DHRSX: variants seen among roughly 807,000 people sequenced by gnomAD.
DHRSX encodes the protein dehydrogenase/reductase X-linked.
Under a neutral mutation model 34.0 loss-of-function variants are expected in DHRSX, and 31 were observed. That is an observed-to-expected ratio of 0.91 (90% confidence interval 0.69 to 1.23). The LOEUF (loss-of-function observed/expected upper bound fraction) is 1.23, where lower values mean the gene tolerates loss of function less well. Among genes scored for constraint, DHRSX ranks in the 50% most tolerant of loss-of-function variants. The pLI is 0.00. For missense variants in DHRSX, 414 were observed against 428.1 expected, an observed-to-expected ratio of 0.97 and a Z score of 0.29; for synonymous variants, 201 against 183.8, an observed-to-expected ratio of 1.09 and a Z score of -0.76.
At chrX:2,347,846 G>C (rs1052135643) in intron 3 of DHRSX, among the ~76,000 whole-genome samples, 1 of 152,218 alleles carries the variant, frequency 6.6e-6, no homozygotes, top group Non-Finnish European at 1.5e-5. Context: ...CATGGGACAT[G>C]TAAAATGGTA....
intron 6 of DHRSX, 159 bp downstream of exon 6, chrX:2,242,864 T>C (rs1414488707): frequency 8.4e-6 from 2 of 238,992 alleles, no homozygotes; most frequent in Middle Eastern, 2.0e-3. Flanking sequence ...TTTACTCCTC[T>C]ACCTTCTCAA....
At chrX:2,264,203 C>T (rs2041405178) in intron 5 of DHRSX, among the ~76,000 whole-genome samples, 1 of 152,242 alleles carries the variant, frequency 6.6e-6, no homozygotes, top group Non-Finnish European at 1.5e-5. Context: ...AGCACCATTT[C>T]CAGAGCACAT....
At chrX:2,474,231 C>T (rs115599487) in intron 1 of DHRSX, among the ~76,000 whole-genome samples, 31,195 of 150,242 alleles carry the variant, frequency 0.21, 4,271 homozygotes, top group African/African-American at 0.39. Flanking sequence ...ACTGCCACTC[C>T]GTATGCACTG....
intron 1 of DHRSX, chrX:2,489,186 C>A: frequency 6.2e-7 from 1 of 1,613,690 alleles, no homozygotes; most frequent in African/African-American, 1.3e-5. Flanking sequence ...GGCCGGTAGC[C>A]GCCGTCTTTG....
chrX:2,225,817 C>T (rs1431269027), intron 6 of DHRSX, among the ~76,000 whole-genome samples: 2 of 152,084 alleles, frequency 1.3e-5, no homozygotes, highest in Non-Finnish European at 2.9e-5. Flanking sequence ...TGATGTCAGA[C>T]TTCCAGCCTC....
At chrX:2,346,277 C>G (rs1300740873) in intron 3 of DHRSX, among the ~76,000 whole-genome samples, 3 of 152,104 alleles carry the variant, frequency 2.0e-5, no homozygotes, top group African/African-American at 7.2e-5. Flanking sequence ...TACCATCTTC[C>G]CCTGACTGTG....
In DHRSX at chrX:2,492,861, G is replaced by A. The variant is rs770484341; in HGVS notation, c.109+7956C>T. ...AATAAGCTATGGTTTTAAGCCCTCC[G>A]GTTTCTGGTACTTTATTAAAGCAAG... On this transcript the variant is annotated intron_variant, in intron 1 of 6. Transcript: ENST00000334651. 3.0e-4 allele frequency among the ~76,000 whole-genome samples: 46 copies of A among 152,326 alleles called. No homozygotes were observed. In the South Asian group the frequency reaches 5.0e-3, roughly 16 times the overall value.
chrX:2,286,962 G>A lies in DHRSX; in HGVS notation c.388+4540C>T, dbSNP rs192335657. On this transcript the variant is annotated intron_variant, in intron 4 of 6. Coordinates refer to ENST00000334651, the MANE Select transcript of DHRSX (RefSeq NM_145177.3). ...ACAGGCTGGGGAATTCCAGGGAGGC[G>A]TGTGACTTGGGGTGCAATCTTCTCT... 5.7e-3 allele frequency among the ~76,000 whole-genome samples: 869 copies of A among 152,346 alleles called. 10 individuals carry two copies. The highest frequency in any genetic ancestry group is 0.04 in the South Asian group (194 of 4,828).
chrX:2,351,238 A>G (rs1383343427), intron 3 of DHRSX, among the ~76,000 whole-genome samples: 2 of 152,218 alleles, frequency 1.3e-5, no homozygotes, highest in African/African-American at 4.8e-5. Flanking sequence ...CCCAGAACTT[A>G]GAGTAAAATT....
chrX:2,254,365 T>C (rs191865238), intron 5 of DHRSX, among the ~76,000 whole-genome samples: 24 of 152,336 alleles, frequency 1.6e-4, no homozygotes. Context: ...CGACTGCTCA[T>C]AACCTAGTTG....
intron 3 of DHRSX, among the ~76,000 whole-genome samples, chrX:2,390,968 C>T (rs2043329164): frequency 6.6e-6 from 1 of 152,198 alleles, no homozygotes; most frequent in Non-Finnish European, 1.5e-5. Context: ...GCCCACATCG[C>T]AGCATGCATC....
intron 3 of DHRSX, among the ~76,000 whole-genome samples, chrX:2,372,083 T>C (rs2043079122): frequency 6.6e-6 from 1 of 152,166 alleles, no homozygotes; most frequent in South Asian, 2.1e-4. Context: ...CTGGGCACCA[T>C]CGTCGGAGAA....
chrX:2,226,623 A>C (rs769201657), intron 6 of DHRSX, among the ~76,000 whole-genome samples: 1 of 151,888 alleles, frequency 6.6e-6, no homozygotes, highest in South Asian at 2.1e-4. Flanking sequence ...ACACAGTGAA[A>C]CCCCGTCTCT....
intron 4 of DHRSX, among the ~76,000 whole-genome samples, chrX:2,271,186 C>T (rs906254846): frequency 6.6e-6 from 1 of 152,172 alleles, no homozygotes; most frequent in Non-Finnish European, 1.5e-5. Flanking sequence ...AGCGAGTCTG[C>T]GAACCCACCA....
Position 2,266,817 on chromosome X carries a change from G to A in DHRSX, c.519C>T (p.Gly173=). The part of the protein sequence containing the change: ...LDTLKESGSP[G]HSARVVTVSS... ...AGACGGTGACCACCCTCGCACTGTGGCCAGGGGACCCAGACTCTTTCAGCG... is the reference window on the plus strand; with the variant it reads ...AGACGGTGACCACCCTCGCACTGTGACCAGGGGACCCAGACTCTTTCAGCG... Residue 173 remains glycine, a synonymous_variant, in exon 5 of 7, where the codon GGC becomes GGT. Transcript: ENST00000334651. 1 of 1,613,984 alleles carries A rather than the reference G, an allele frequency of 6.2e-7. No homozygotes were observed. Among genetic ancestry groups the A allele is most frequent in the Non-Finnish European group, 8.5e-7 (1 of 1,179,864 alleles).
chrX:2,368,848 T>C (rs2043024623), intron 3 of DHRSX, among the ~76,000 whole-genome samples: 1 of 151,770 alleles, frequency 6.6e-6, no homozygotes, highest in South Asian at 2.1e-4. Context: ...AGACTCTGTC[T>C]CAAAAAAATA....
chrX:2,382,764 AT>A (rs2043224956), intron 3 of DHRSX, among the ~76,000 whole-genome samples: 5 of 135,470 alleles, frequency 3.7e-5, no homozygotes, highest in African/African-American at 1.6e-4. Context: ...TATCATCATC[AT>A]CATCATCACC....
At chrX:2,348,391 C>T (rs185834988) in intron 3 of DHRSX, among the ~76,000 whole-genome samples, 6 of 152,138 alleles carry the variant, frequency 3.9e-5, no homozygotes, top group Non-Finnish European at 4.4e-5. Context: ...TGCATTTGTT[C>T]GTTCTCTCTG....
At chrX:2,360,285 G>C (rs2042912362) in intron 3 of DHRSX, among the ~76,000 whole-genome samples, 1 of 152,098 alleles carries the variant, frequency 6.6e-6, no homozygotes, top group Non-Finnish European at 1.5e-5. Flanking sequence ...GATAGACTAT[G>C]CAAGAGGGTT....
Sources: gnomAD v4.1 joint callset for allele counts (sites outside exome capture counted in the v4.1 genomes callset) on GRCh38, gnomAD v4.1.1 for gene constraint, MANE v1.5 for transcripts, NCBI Gene and HGNC (gene_info 2026-07-23, HGNC 2026-07-21) for gene names.